The following NT5C2 variants were observed in gnomAD, a reference collection of about 807,000 sequenced individuals.
NT5C2 encodes the protein 5'-nucleotidase, cytosolic II.
NT5C2 carries 58 observed loss-of-function variants against 76.1 expected under a neutral mutation model. That is an observed-to-expected ratio of 0.76 (90% CI 0.62 to 0.95). The LOEUF is 0.95. Among genes scored for constraint, NT5C2 ranks in the 40% least tolerant of loss-of-function variants. The pLI, the probability that NT5C2 is intolerant of heterozygous loss-of-function variation, is 0.00. For synonymous variants in NT5C2, 229 were observed against 237.4 expected (o/e 0.96, Z 0.32); for missense variants, 478 against 690.3 (o/e 0.69, Z 3.45).
chr10:103,129,632 T>G (rs1278450491), intron 4 of NT5C2, among the ~76,000 whole-genome samples: 15 of 35,286 alleles, frequency 4.3e-4, no homozygotes, highest in Admixed American at 1.2e-3. Context: ...TGGGGGGGGG[T>G]CAGCCCCCCC....
intron 16 of NT5C2, among the ~76,000 whole-genome samples, chr10:103,091,321 T>C (rs2066804246): frequency 1.3e-5 from 2 of 151,802 alleles, no homozygotes; most frequent in African/African-American, 4.8e-5. Flanking sequence ...ATTACAGGCA[T>C]GAGCCACTGC....
At chr10:103,177,889 T>C (rs944913064) in intron 2 of NT5C2, among the ~76,000 whole-genome samples, 1 of 152,214 alleles carries the variant, frequency 6.6e-6, no homozygotes, top group African/African-American at 2.4e-5. Flanking sequence ...AATACTTCCA[T>C]GACTCTAAAG....
chr10:103,090,440 A>C (rs1316767261), intron 18 of NT5C2, among the ~76,000 whole-genome samples, 171 bp downstream of exon 18: 1 of 152,166 alleles, frequency 6.6e-6, no homozygotes, highest in African/African-American at 2.4e-5. Flanking sequence ...TTAACTTCCA[A>C]TGTTGGTTCT....
intron 3 of NT5C2, among the ~76,000 whole-genome samples, chr10:103,160,162 A>C (rs971695008): frequency 1.3e-5 from 2 of 152,194 alleles, no homozygotes; most frequent in African/African-American, 4.8e-5. Context: ...CTTTTCAAAA[A>C]ATGGTGCTAG....
Position 103,093,448 on chromosome 10 carries a change from A to G in NT5C2, c.989-139T>C, listed in dbSNP as rs1384745040. The G allele has an allele frequency of 7.9e-6, 6 of 759,338 alleles. No individual in the cohort carries two copies. In the Admixed American group the frequency reaches 1.1e-4, roughly 15 times the overall value. The allele number at this position is 759,338 out of a possible 1,614,324, so 47.0% of individuals were successfully genotyped here. On this transcript the variant is annotated intron_variant, in intron 14 of 18. Transcript: ENST00000404739. ...TAGGAAGAATAGACAAAGACTCACC[A>G]TTCTCTTTTTACTGCCTTCTAAGAC...
intron 4 of NT5C2, among the ~76,000 whole-genome samples, chr10:103,127,759 T>C (rs919925921): frequency 6.6e-6 from 1 of 152,210 alleles, no homozygotes. Flanking sequence ...GGTTTCACTG[T>C]GTTGGCCAGG....
intron 4 of NT5C2, among the ~76,000 whole-genome samples, chr10:103,118,469 A>C (rs2074907705): frequency 6.7e-6 from 1 of 148,778 alleles, no homozygotes. Flanking sequence ...CAATTCTCCC[A>C]CCTCAGCCTC....
At chr10:103,151,396 G>T (rs915584123) in intron 3 of NT5C2, among the ~76,000 whole-genome samples, 3 of 151,648 alleles carry the variant, frequency 2.0e-5, no homozygotes, top group Admixed American at 1.3e-4. Flanking sequence ...ACCTGGAGGT[G>T]GAGGTTGCGG....
Position 103,112,244 on chromosome 10 carries a change from C to G in NT5C2, c.176-5538G>C, listed in dbSNP as rs1302170011. ...CAGACTGAATAAAGGATACAAATAC[C>G]AGAGTGGCCTCATCTTGCTTCCAAG... On this transcript the variant is annotated intron_variant, in intron 4 of 18. Coordinates refer to ENST00000404739, the MANE Select transcript of NT5C2 (RefSeq NM_001351169.2). Among the ~76,000 whole-genome samples, 6 of 152,128 alleles carry G rather than the reference C, an allele frequency of 3.9e-5. No homozygotes were observed. The South Asian group carries it at 1.0e-3, about 26-fold the overall frequency.
At chr10:103,115,748 T>C (rs2135523674) in intron 4 of NT5C2, among the ~76,000 whole-genome samples, 1 of 152,236 alleles carries the variant, frequency 6.6e-6, no homozygotes, top group South Asian at 2.1e-4. Context: ...GAATCAAAGC[T>C]TGGAAACTAA....
Position 103,139,485 on chromosome 10 carries a change from G to T in NT5C2, c.102-6C>A, listed in dbSNP as rs1273424184. On this transcript the variant is annotated splice_region_variant and splice_polypyrimidine_tract_variant and intron_variant, in intron 3 of 18. Transcript: ENST00000404739. The stretch of plus-strand genomic sequence containing the variant: ...AACTTCGGTTCACAAACACCCTATA[G>T]AAAATAATAAAAAATAATATCTCAA... 2 of 1,541,824 alleles carry T rather than the reference G, an allele frequency of 1.3e-6. No individual in the cohort carries two copies. Among genetic ancestry groups the T allele is most frequent in the Non-Finnish European group, 1.8e-6 (2 of 1,136,568 alleles).
intron 3 of NT5C2, among the ~76,000 whole-genome samples, chr10:103,157,271 A>G (rs2083619462): frequency 6.6e-6 from 1 of 152,162 alleles, no homozygotes; most frequent in Non-Finnish European, 1.5e-5. Flanking sequence ...GAACTAAAAA[A>G]CACAAAGTCT....
At chr10:103,121,254 C>A (rs1023201030) in intron 4 of NT5C2, among the ~76,000 whole-genome samples, 2 of 152,098 alleles carry the variant, frequency 1.3e-5, no homozygotes, top group Non-Finnish European at 2.9e-5. Context: ...GAATTGTATA[C>A]TTGAAAATGG....
At chr10:103,152,508 T>C (rs922524481) in intron 3 of NT5C2, among the ~76,000 whole-genome samples, 6 of 152,162 alleles carry the variant, frequency 3.9e-5, no homozygotes, top group African/African-American at 1.4e-4. Context: ...CAAATTTTCT[T>C]ACAGAACAAA....
chr10:103,116,789 G>A (rs1197449367), intron 4 of NT5C2, among the ~76,000 whole-genome samples: 1 of 151,166 alleles, frequency 6.6e-6, no homozygotes, highest in Non-Finnish European at 1.5e-5. Context: ...TGCCCAGGCT[G>A]GTCTAGAACT....
chr10:103,130,395 G>A (rs1214581435), intron 4 of NT5C2, among the ~76,000 whole-genome samples: 1 of 151,548 alleles, frequency 6.6e-6, no homozygotes, highest in Non-Finnish European at 1.5e-5. Context: ...CTAATCTCAA[G>A]TAATCAGGGA....
intron 4 of NT5C2, among the ~76,000 whole-genome samples, chr10:103,126,484 C>T (rs973030235): frequency 1.3e-5 from 2 of 152,006 alleles, no homozygotes; most frequent in Admixed American, 6.6e-5. Flanking sequence ...TAACAGGGCG[C>T]GGTGGTGCAT....
chr10:103,192,169 G>A (rs2092688810), intron 1 of NT5C2, among the ~76,000 whole-genome samples: 1 of 152,070 alleles, frequency 6.6e-6, no homozygotes, highest in East Asian at 1.9e-4. Flanking sequence ...TTCACATTAT[G>A]GTCAGTAGTT....
rs79978188 is a variant in NT5C2, at chr10:103,176,742, A to G, written c.-24-1760T>C. 4.8e-3 allele frequency among the ~76,000 whole-genome samples: 737 copies of G among 152,292 alleles called. 3 individuals are homozygous for G. Among genetic ancestry groups the G allele is most frequent in the Admixed American group, 8.9e-3 (136 of 15,290 alleles). On this transcript the variant is annotated intron_variant, in intron 2 of 18. Transcript: ENST00000404739. ...AGGCTGGTCTCGAACTCCTGGGTTC[A>G]AGCAATCTGCTCACCTCAATCTCCC...
Sources: allele counts gnomAD v4.1 joint callset (sites outside exome capture counted in the v4.1 genomes callset), GRCh38; gene constraint gnomAD v4.1.1; transcripts MANE v1.5; gene names NCBI Gene and HGNC (gene_info 2026-07-23, HGNC 2026-07-21).